The following SNX30 variants were observed in gnomAD, a reference collection of about 807,000 sequenced individuals.
The protein encoded by SNX30 is sorting nexin-30.
SNX30 carries 24 observed loss-of-function variants against 46.4 expected under a neutral mutation model. That is an observed-to-expected ratio of 0.52 (90% CI 0.37 to 0.73). SNX30 has a LOEUF of 0.73. Among genes scored for constraint, SNX30 ranks in the 30% least tolerant of loss-of-function variants. SNX30 has a pLI of 0.00. For missense variants in SNX30, 533 were observed against 555.7 expected, an observed-to-expected ratio of 0.96 and a Z score of 0.41; for synonymous variants, 189 against 211.5, an observed-to-expected ratio of 0.89 and a Z score of 0.92.
chr9:112,818,651 C>G (rs1039497506), intron 3 of SNX30, among the ~76,000 whole-genome samples: 1 of 152,178 alleles, frequency 6.6e-6, no homozygotes, highest in African/African-American at 2.4e-5. Context: ...CATAAAACTC[C>G]TCAGAGGGGC....
intron 4 of SNX30, among the ~76,000 whole-genome samples, chr9:112,831,217 G>C (rs1310567541): frequency 6.6e-6 from 1 of 151,718 alleles, no homozygotes; most frequent in Non-Finnish European, 1.5e-5. Flanking sequence ...TAACAGGGTT[G>C]TCATAAAATT....
At chr9:112,861,727 C>T (rs796217673) in intron 7 of SNX30, among the ~76,000 whole-genome samples, 8 of 152,284 alleles carry the variant, frequency 5.3e-5, no homozygotes, top group African/African-American at 1.7e-4. Flanking sequence ...ACAATTCCTG[C>T]GGTGGGTCCT....
intron 1 of SNX30, among the ~76,000 whole-genome samples, chr9:112,789,569 G>A (rs1366237907): frequency 6.6e-6 from 1 of 152,196 alleles, no homozygotes; most frequent in Admixed American, 6.5e-5. Flanking sequence ...TTTAGTATAT[G>A]CTTGAAATAC....
At chr9:112,848,674 C>T (rs973191222) in intron 6 of SNX30, among the ~76,000 whole-genome samples, 3 of 152,220 alleles carry the variant, frequency 2.0e-5, no homozygotes, top group African/African-American at 7.2e-5. Context: ...CTCCAGTCAG[C>T]CTGCGCCAGA....
chr9:112,756,477 C>T (rs1309537472), intron 1 of SNX30, among the ~76,000 whole-genome samples: 1 of 124,110 alleles, frequency 8.1e-6, no homozygotes, highest in African/African-American at 3.1e-5. Context: ...TGGAGTCTTG[C>T]CCTGTTGCCC....
intron 7 of SNX30, among the ~76,000 whole-genome samples, chr9:112,854,348 G>A (rs1449654349): frequency 6.6e-6 from 1 of 152,200 alleles, no homozygotes; most frequent in East Asian, 1.9e-4. Context: ...CCGTGCTGTG[G>A]AAATCTTTGG....
chr9:112,847,279 C>T (rs746991598), intron 6 of SNX30, among the ~76,000 whole-genome samples: 3 of 152,098 alleles, frequency 2.0e-5, no homozygotes, highest in Non-Finnish European at 4.4e-5. Flanking sequence ...AGCCGTCCCG[C>T]GCATATCCCA....
At chr9:112,882,427 A>G (rs1302805101), downstream of SNX30, among the ~76,000 whole-genome samples, 2 of 152,110 alleles carry the variant, frequency 1.3e-5, no homozygotes, top group African/African-American at 4.8e-5. Context: ...GTTTTATCCT[A>G]AGAGCAATGA....
chr9:112,838,873 T>C (rs982077838), intron 6 of SNX30, among the ~76,000 whole-genome samples, 176 bp downstream of exon 6: 3 of 152,058 alleles, frequency 2.0e-5, no homozygotes, highest in African/African-American at 7.2e-5. Flanking sequence ...GTGAACGAAG[T>C]ACGTGAATTA....
At chr9:112,756,442 T>A (rs79562047) in intron 1 of SNX30, among the ~76,000 whole-genome samples, 1 of 140,514 alleles carries the variant, frequency 7.1e-6, no homozygotes, top group Admixed American at 7.1e-5. Flanking sequence ...ATCCTTTTTT[T>A]TTTTTTTTTT....
At chr9:112,822,536 G>GTTTTTTTTTTTTT (rs139781990) in intron 3 of SNX30, among the ~76,000 whole-genome samples, 2 of 123,722 alleles carry the variant, frequency 1.6e-5, no homozygotes, top group Admixed American at 8.7e-5. Context: ...TTGCTGTTTT[G>GTTTTTTTTTTTTT]TTTTGTTTTT....
Position 112,830,716 on chromosome 9 carries a change from T to C in SNX30, c.460-9T>C, listed in dbSNP as rs370273179. The C allele has an allele frequency of 4.4e-6, 7 of 1,601,284 alleles. No individual in the cohort carries two copies. In the African/African-American group the frequency reaches 6.8e-5, roughly 15 times the overall value. Reference sequence around the variant, plus strand: ...AATTACTCTGGTTTTTTTCTTCATGTCTTCATAGCCTCTTCCCGAGAAGTT... The same window carrying C: ...AATTACTCTGGTTTTTTTCTTCATGCCTTCATAGCCTCTTCCCGAGAAGTT... On this transcript the variant is annotated splice_polypyrimidine_tract_variant and intron_variant, in intron 3 of 8. Transcript: ENST00000374232.
chr9:112,835,986 T>A (rs1172942875), intron 4 of SNX30, among the ~76,000 whole-genome samples: 1 of 152,184 alleles, frequency 6.6e-6, no homozygotes, highest in Non-Finnish European at 1.5e-5. Flanking sequence ...AGGATTGGCG[T>A]TCAGCTCTGC....
At chr9:112,806,087 G>A (rs1840220467) in intron 2 of SNX30, among the ~76,000 whole-genome samples, 1 of 152,122 alleles carries the variant, frequency 6.6e-6, no homozygotes. Context: ...TTGGACTGAA[G>A]AGTTCTTTGC....
chr9:112,884,200 C>T (rs773209030), downstream of SNX30, among the ~76,000 whole-genome samples: 4 of 152,218 alleles, frequency 2.6e-5, no homozygotes, highest in Non-Finnish European at 4.4e-5. Flanking sequence ...CAGCCACAGC[C>T]CCCTGGGATT....
Position 112,850,963 on chromosome 9 carries a change from G to A in SNX30, c.1101+18G>A. ...GCCCCAAGGTCAGGGAAGCCACCTG[G>A]GAAGGGCTGCAAAGCTGTAGTCTCC... On this transcript the variant is annotated intron_variant, in intron 7 of 8. Transcript: ENST00000374232. 1 of 1,604,012 alleles carries A rather than the reference G, an allele frequency of 6.2e-7. No homozygotes were observed. Among genetic ancestry groups the A allele is most frequent in the Non-Finnish European group, 8.5e-7 (1 of 1,171,148 alleles).
intron 1 of SNX30, among the ~76,000 whole-genome samples, chr9:112,790,527 A>G (rs537492453): frequency 1.5e-4 from 23 of 152,316 alleles, no homozygotes; most frequent in Middle Eastern, 3.4e-3. Flanking sequence ...TGGCTCTTAA[A>G]GGATCTGCTC....
chr9:112,791,545 G>T (rs970687699), intron 1 of SNX30, among the ~76,000 whole-genome samples: 1 of 151,404 alleles, frequency 6.6e-6, no homozygotes, highest in African/African-American at 2.4e-5. Flanking sequence ...CCAAGTAGCT[G>T]AGACTACAGG....
At chr9:112,761,758 A>G (rs1839440396) in intron 1 of SNX30, among the ~76,000 whole-genome samples, 1 of 152,148 alleles carries the variant, frequency 6.6e-6, no homozygotes. Context: ...CAAGTCAGGC[A>G]TTCAGGACAG....
Sources: gnomAD v4.1 joint callset for allele counts (sites outside exome capture counted in the v4.1 genomes callset) on GRCh38, gnomAD v4.1.1 for gene constraint, MANE v1.5 for transcripts, NCBI Gene and HGNC (gene_info 2026-07-23, HGNC 2026-07-21) for gene names.